OTUD7A: variants seen among roughly 807,000 people sequenced by gnomAD.
OTUD7A encodes OTU domain-containing protein 7A.
A neutral mutation model predicts 65.7 loss-of-function variants in OTUD7A; 12 were observed. The ratio of observed to expected loss-of-function variants is 0.18; its 90% CI spans 0.12 to 0.30. The LOEUF is 0.30. Among genes scored for constraint, OTUD7A ranks in the 10% least tolerant of loss-of-function variants. The probability of loss-of-function intolerance (pLI) is 1.00; values close to 1 mark genes in which losing one functional copy is unlikely to be tolerated. For missense variants in OTUD7A, 1,148 were observed against 1,304.8 expected (o/e 0.88, Z 1.85); for synonymous variants, 641 against 586.3 (o/e 1.09, Z -1.35).
At chr15:31,782,881 G>T (rs1241179849) in intron 1 of OTUD7A, among the ~76,000 whole-genome samples, 1 of 152,128 alleles carries the variant, frequency 6.6e-6, no homozygotes, top group African/African-American at 2.4e-5. Context: ...ACATCAACTG[G>T]GCAACTAGTA....
intron 1 of OTUD7A, among the ~76,000 whole-genome samples, chr15:31,798,792 G>A (rs1896041551): frequency 6.6e-6 from 1 of 152,218 alleles, no homozygotes. Context: ...CCAGAAGGAA[G>A]CCAGGGGGAG....
Position 31,568,100 on chromosome 15 carries a change from G to T in OTUD7A, c.331+1918C>A, listed in dbSNP as rs1888933827. On this transcript the variant is annotated intron_variant, in intron 4 of 12. Transcript: ENST00000307050. Reference sequence around the variant, plus strand: ...TGGGGGCACTGCCTAGTAAAGCCGTGAGAAGGGGGCCACCACCTTCCAGAC... The same window carrying T: ...TGGGGGCACTGCCTAGTAAAGCCGTTAGAAGGGGGCCACCACCTTCCAGAC... Among the ~76,000 whole-genome samples, 3 of 152,246 alleles carry T rather than the reference G, an allele frequency of 2.0e-5. No homozygotes were observed. The South Asian group carries it at 6.2e-4, about 32-fold the overall frequency.
intron 3 of OTUD7A, among the ~76,000 whole-genome samples, chr15:31,595,170 G>A (rs779180313): frequency 4.6e-5 from 7 of 152,184 alleles, no homozygotes; most frequent in Admixed American, 1.3e-4. Flanking sequence ...AGAGTCTATC[G>A]ATGAGTTGGA....
At chr15:31,813,367 T>C (rs1475216063) in intron 1 of OTUD7A, among the ~76,000 whole-genome samples, 1 of 152,212 alleles carries the variant, frequency 6.6e-6, no homozygotes, top group Admixed American at 6.5e-5. Flanking sequence ...GAAGTAATTA[T>C]GTAAAGTGTC....
intron 8 of OTUD7A, among the ~76,000 whole-genome samples, chr15:31,508,046 T>C (rs1433497073): frequency 2.0e-5 from 3 of 152,100 alleles, no homozygotes; most frequent in African/African-American, 7.2e-5. Context: ...TTACAAGGTA[T>C]GATAGAGCAA....
intron 3 of OTUD7A, among the ~76,000 whole-genome samples, chr15:31,615,946 C>T (rs1288673168): frequency 6.6e-6 from 1 of 152,246 alleles, no homozygotes; most frequent in Non-Finnish European, 1.5e-5. Context: ...CTCTCCCTCA[C>T]CTTCTCTCTC....
chr15:31,742,257 G>GA (rs1000385313), intron 1 of OTUD7A, among the ~76,000 whole-genome samples: 2 of 151,120 alleles, frequency 1.3e-5, no homozygotes, highest in East Asian at 3.9e-4. Flanking sequence ...TAAGAAAAAA[G>GA]AAAAAAAATA....
At chr15:31,628,752 ATCC>A (rs1891045448) in intron 3 of OTUD7A, among the ~76,000 whole-genome samples, 1 of 152,038 alleles carries the variant, frequency 6.6e-6, no homozygotes, top group African/African-American at 2.4e-5. Flanking sequence ...ATTTGTTTGT[ATCC>A]TCTTTAATTT....
chr15:31,621,475 G>A (rs1283620120), intron 3 of OTUD7A, among the ~76,000 whole-genome samples: 2 of 152,104 alleles, frequency 1.3e-5, no homozygotes, highest in East Asian at 1.9e-4. Context: ...TATATATTTA[G>A]GATAGTTAGC....
intron 1 of OTUD7A, among the ~76,000 whole-genome samples, chr15:31,786,011 G>A (rs1443186674): frequency 6.6e-6 from 1 of 152,084 alleles, no homozygotes; most frequent in African/African-American, 2.4e-5. Flanking sequence ...TCCATTCATG[G>A]ATTAATGGGT....
At chr15:31,526,139 C>A (rs2042009110) in intron 8 of OTUD7A, among the ~76,000 whole-genome samples, 1 of 152,208 alleles carries the variant, frequency 6.6e-6, no homozygotes, top group Non-Finnish European at 1.5e-5. Flanking sequence ...GGCTGCATAC[C>A]CTTCCACTAG....
intron 1 of OTUD7A, among the ~76,000 whole-genome samples, chr15:31,694,872 G>A (rs1893039677): frequency 6.6e-6 from 1 of 151,088 alleles, no homozygotes; most frequent in African/African-American, 2.4e-5. Flanking sequence ...TTGAGACAGA[G>A]TCTTGCTCTG....
At chr15:31,734,686 A>G (rs1372133469) in intron 1 of OTUD7A, among the ~76,000 whole-genome samples, 1 of 152,048 alleles carries the variant, frequency 6.6e-6, no homozygotes, top group Non-Finnish European at 1.5e-5. Context: ...TGGTGCTGGG[A>G]TAACTGGCTA....
chr15:31,780,069 C>A (rs1895496737), intron 1 of OTUD7A, among the ~76,000 whole-genome samples: 1 of 152,058 alleles, frequency 6.6e-6, no homozygotes, highest in Non-Finnish European at 1.5e-5. Context: ...GGGTGATTAA[C>A]CAACAAGGAT....
At chr15:31,784,117 A>T (rs73380508) in intron 1 of OTUD7A, among the ~76,000 whole-genome samples, 6,176 of 152,300 alleles carry the variant, frequency 0.041, 419 homozygotes, top group African/African-American at 0.14. Flanking sequence ...CATGTTACAG[A>T]TCATATGTAG....
At chr15:31,696,695 TGACTCAGAGG>T (rs1279091368) in intron 1 of OTUD7A, among the ~76,000 whole-genome samples, 3 of 151,806 alleles carry the variant, frequency 2.0e-5, no homozygotes, top group African/African-American at 7.3e-5. Flanking sequence ...ACCACCCAGA[TGACTCAGAGG>T]GACTCAGAGG....
chr15:31,770,445 A>C (rs59381814), intron 1 of OTUD7A, among the ~76,000 whole-genome samples: 3,608 of 152,338 alleles, frequency 0.024, 136 homozygotes, highest in African/African-American at 0.082. Context: ...CCCACAAAGT[A>C]AAGTCCACCC....
At chr15:31,839,105 C>T (rs1897125664) in intron 1 of OTUD7A, among the ~76,000 whole-genome samples, 1 of 151,448 alleles carries the variant, frequency 6.6e-6, no homozygotes, top group African/African-American at 2.4e-5. Flanking sequence ...AGTGGCTGGC[C>T]AGGTGAGCCC....
At chr15:31,485,539 TGA>T in intron 12 of OTUD7A, among the ~76,000 whole-genome samples, 3 of 150,802 alleles carry the variant, frequency 2.0e-5, no homozygotes, top group Middle Eastern at 6.8e-3. Context: ...TCAACCAGTC[TGA>T]GGGGGGCACG....
Sources: allele counts gnomAD v4.1 joint callset (sites outside exome capture counted in the v4.1 genomes callset), GRCh38; gene constraint gnomAD v4.1.1; transcripts MANE v1.5; gene names NCBI Gene and HGNC (gene_info 2026-07-23, HGNC 2026-07-21).